Variants in ANKRD42 observed in about 807,000 individuals in gnomAD.
ANKRD42 encodes the protein ankyrin repeat domain-containing protein 42.
ANKRD42 carries 43 observed loss-of-function variants against 51.5 expected under a neutral mutation model. The observed-to-expected ratio is 0.83, with a 90% CI of 0.65 to 1.08. The LOEUF is 1.08. Ranked by LOEUF, ANKRD42 falls within the 50% of genes least tolerant of loss-of-function variation. ANKRD42 has a pLI of 0.00. For missense variants in ANKRD42, 608 were observed against 629.3 expected, an observed-to-expected ratio of 0.97 and a Z score of 0.36; for synonymous variants, 203 against 213.0, an observed-to-expected ratio of 0.95 and a Z score of 0.41.
rs546699634 is a variant in ANKRD42, at chr11:83,238,833, A to G, written c.1020-1926A>G. On this transcript the variant is annotated intron_variant, in intron 8 of 10. Coordinates refer to ENST00000533342, the MANE Select transcript of ANKRD42 (RefSeq NM_001300975.2). ...CAACAAGAGCGAAACTCTGTCTCCG[A>G]AAAAAAAAAAAAAATTCAAAAAATT... Among the ~76,000 whole-genome samples the G allele has an allele frequency of 1.2e-4, 16 of 130,146 alleles. No individual in the cohort carries two copies. In the South Asian group the frequency reaches 4.0e-3, roughly 33 times the overall value. The allele number at this position is 130,146 out of a possible 152,430, so 85.4% of individuals were successfully genotyped here.
chr11:83,199,971 G>C (rs1198981207), intron 2 of ANKRD42, among the ~76,000 whole-genome samples: 1 of 152,174 alleles, frequency 6.6e-6, no homozygotes, highest in Admixed American at 6.6e-5. Context: ...TCTCTCTGCT[G>C]TTTCCTCCCA....
intron 6 of ANKRD42, among the ~76,000 whole-genome samples, chr11:83,226,015 C>G (rs185326006): frequency 6.6e-6 from 1 of 152,228 alleles, no homozygotes; most frequent in African/African-American, 2.4e-5. Context: ...CCAGCCTCCC[C>G]GCAAAGCACT....
chr11:83,238,679 A>T (rs1863294559), intron 8 of ANKRD42, among the ~76,000 whole-genome samples: 2 of 151,972 alleles, frequency 1.3e-5, no homozygotes, highest in Non-Finnish European at 2.9e-5. Flanking sequence ...AAAAATACAA[A>T]ATTAGCCAAG....
intron 8 of ANKRD42, 145 bp from the exon 9 acceptor site, chr11:83,240,614 C>A: frequency 1.3e-6 from 1 of 745,814 alleles, no homozygotes; most frequent in Non-Finnish European, 2.1e-6. Flanking sequence ...GTCAAATTGT[C>A]ACTGACCTTC....
chr11:83,227,790 G>A lies in ANKRD42; in HGVS notation c.831G>A (p.Leu277=), dbSNP rs1862935054. 1 of 1,613,158 alleles carries A rather than the reference G, an allele frequency of 6.2e-7. No homozygotes were observed. The highest frequency in any genetic ancestry group is 1.3e-5 in the African/African-American group (1 of 74,862). ...PGHVAAFKGD[L]GMLKKLVEDG... is the part of the protein sequence containing the mutation. ...ATGTGGCTGCCTTTAAGGGTGATTT[G>A]GGGATGCTTAAGAAATTAGTGGAAG... The change falls in exon 7 of 11, where the codon TTG becomes TTA. Residue 277 remains leucine, a synonymous_variant. Transcript: ENST00000533342.
At chr11:83,196,137 C>A (rs148313344) in intron 1 of ANKRD42, among the ~76,000 whole-genome samples, 1 of 152,118 alleles carries the variant, frequency 6.6e-6, no homozygotes, top group Admixed American at 6.5e-5. Flanking sequence ...CCACCGCGCC[C>A]GGCCAATCAA....
intron 7 of ANKRD42, among the ~76,000 whole-genome samples, chr11:83,228,508 C>T (rs1043820663): frequency 8.6e-5 from 13 of 151,968 alleles, no homozygotes; most frequent in East Asian, 3.9e-4. Context: ...GGATTACAGG[C>T]GTGAGCCACC....
At chr11:83,227,899 C>A (rs756837444) in intron 7 of ANKRD42, 27 bp downstream of exon 7, 10 of 1,573,372 alleles carry the variant, frequency 6.4e-6, no homozygotes, top group South Asian at 1.2e-5. Context: ...CCTTTCAGTT[C>A]GGATACAATA....
At position 83,248,285 on chromosome 11, in the gene ANKRD42, G is replaced by T. The variant is rs1381958460; in HGVS notation, c.*81G>T. ...TTATACTTTCTAGAGCTGATGACAGGATTAAAGGAATACACACACACACAC... is the reference window on the plus strand; with the variant it reads ...TTATACTTTCTAGAGCTGATGACAGTATTAAAGGAATACACACACACACAC... On this transcript the variant is annotated 3_prime_UTR_variant, in exon 11 of 11. Coordinates refer to ENST00000533342, the MANE Select transcript of ANKRD42 (RefSeq NM_001300975.2). The T allele has an allele frequency of 6.5e-5, 87 of 1,345,732 alleles. No individual in the cohort carries two copies. Among genetic ancestry groups the T allele is most frequent in the Non-Finnish European group, 6.9e-5 (73 of 1,053,300 alleles). 83.4% of individuals were successfully genotyped at this position (1,345,732 alleles called of 1,614,324 possible). A position where few individuals can be genotyped will look rare whatever the true frequency, so the allele number is the denominator to read the frequency against.
chr11:83,213,642 A>G (rs1862413755), intron 5 of ANKRD42: 9 of 880,200 alleles, frequency 1.0e-5, no homozygotes, highest in Non-Finnish European at 1.3e-5. Context: ...GATGTTGAAC[A>G]TCATTTCGTA....
chr11:83,258,917 A>G (rs1267144774), downstream of ANKRD42, among the ~76,000 whole-genome samples: 4 of 137,684 alleles, frequency 2.9e-5, no homozygotes, highest in Admixed American at 2.9e-4. Context: ...TAGGCAGGTT[A>G]GGATCTACAC....
At chr11:83,197,445 A>G (rs144123130) in intron 1 of ANKRD42, among the ~76,000 whole-genome samples, 132 of 152,352 alleles carry the variant, frequency 8.7e-4, no homozygotes, top group South Asian at 7.7e-3. Flanking sequence ...AAAAAGATGT[A>G]ATAAAAGTAA....
At chr11:83,247,316 G>T (rs1368341987) in intron 10 of ANKRD42, among the ~76,000 whole-genome samples, 1 of 151,918 alleles carries the variant, frequency 6.6e-6, no homozygotes, top group Non-Finnish European at 1.5e-5. Flanking sequence ...TGATCCACCT[G>T]CCTCCGCCTC....
At chr11:83,218,627 T>C (rs1278713284) in intron 5 of ANKRD42, among the ~76,000 whole-genome samples, 3 of 152,194 alleles carry the variant, frequency 2.0e-5, no homozygotes, top group African/African-American at 7.2e-5. Context: ...CATCCTACTG[T>C]TTGTGAGGGA....
At position 83,245,563 on chromosome 11, in the gene ANKRD42, C is replaced by T; in HGVS notation, c.1261C>T (p.His421Tyr). ...LLEIAESNYK[H>Y]LGGITEEDLK... ...GGAAATTGCCGAGAGCAACTATAAA[C>T]ACTTGGGAGGCATAACAGAAGAAGA... The change falls in exon 10 of 11, where the codon CAC becomes TAC. Residue 421 changes from histidine to tyrosine, a missense_variant. Physicochemically the swap from His to Tyr is moderately conservative, Grantham distance 83 (BLOSUM62 2). Coordinates refer to ENST00000533342, the MANE Select transcript of ANKRD42 (RefSeq NM_001300975.2). The T allele has an allele frequency of 1.3e-6, 2 of 1,536,604 alleles. No individual in the cohort carries two copies. The highest frequency in any genetic ancestry group is 1.7e-6 in the Non-Finnish European group (2 of 1,146,946).
intron 7 of ANKRD42, among the ~76,000 whole-genome samples, chr11:83,229,965 C>T (rs571802272): frequency 6.6e-6 from 1 of 152,234 alleles, no homozygotes; most frequent in South Asian, 2.1e-4. Context: ...GTATCCATCC[C>T]CTCAAGCATT....
At position 83,211,464 on chromosome 11, in the gene ANKRD42, A is replaced by C. The variant is rs1274159206; in HGVS notation, c.586+34A>C. On this transcript the variant is annotated intron_variant, in intron 5 of 10. Coordinates refer to ENST00000533342, the MANE Select transcript of ANKRD42 (RefSeq NM_001300975.2). ...AATAAAGCAAATATTTTAGTTTTTCATTGATGTAAACTTTTAAATGTTTGA... is the reference window on the plus strand; with the variant it reads ...AATAAAGCAAATATTTTAGTTTTTCCTTGATGTAAACTTTTAAATGTTTGA... 3 of 1,603,980 alleles carry C rather than the reference A, an allele frequency of 1.9e-6. No homozygotes were observed. In the African/African-American group the frequency reaches 4.0e-5, roughly 22 times the overall value.
exon 12 of ANKRD42, chr11:83,255,849 A>G: frequency 6.5e-7 from 1 of 1,528,494 alleles, no homozygotes. Context: ...TTATAGGAAG[A>G]CAGCGCTTCT....
Position 83,193,762 on chromosome 11 carries a change from G to C in ANKRD42, c.-909G>C, listed in dbSNP as rs760806313. 6.8e-6 allele frequency: 3 copies of C among 441,148 alleles called. No homozygotes were observed. The highest frequency in any genetic ancestry group is 1.6e-5 in the South Asian group (1 of 63,742). 27.3% of individuals were successfully genotyped at this position (441,148 alleles called of 1,614,324 possible). A position where few individuals can be genotyped will look rare whatever the true frequency, so the allele number is the denominator to read the frequency against. On this transcript the variant is annotated 5_prime_UTR_variant, in exon 1 of 11. Transcript: ENST00000533342. ...CTGCCTCTCCAGCCAAGTGGCTGGA[G>C]TCGGGAGGCTGGAAAGAGACTCCGA...
Sources: gnomAD v4.1 joint callset for allele counts (sites outside exome capture counted in the v4.1 genomes callset) on GRCh38, gnomAD v4.1.1 for gene constraint, MANE v1.5 for transcripts, NCBI Gene and HGNC (gene_info 2026-07-23, HGNC 2026-07-21) for gene names.